The following SI variants were observed in gnomAD, a reference collection of about 807,000 sequenced individuals.
The protein encoded by SI is sucrase-isomaltase, also known as sucrase-isomaltase, intestinal.
SI carries 235 observed loss-of-function variants against 253.3 expected under a neutral mutation model. The ratio of observed to expected loss-of-function variants is 0.93; its 90% CI spans 0.83 to 1.03. SI has a LOEUF of 1.03. Among genes scored for constraint, SI ranks in the 50% least tolerant of loss-of-function variants. The pLI is 0.00. For missense variants in SI, 2,442 were observed against 2,211.1 expected, an observed-to-expected ratio of 1.10 and a Z score of -2.09; for synonymous variants, 819 against 712.0, an observed-to-expected ratio of 1.15 and a Z score of -2.39.
At chr3:165,088,639 C>A in the SI span, among the ~76,000 whole-genome samples, 1 of 151,246 alleles carries the variant, frequency 6.6e-6, no homozygotes, top group Admixed American at 6.6e-5. Flanking sequence ...AAGACTCTGT[C>A]TCAAAAAATA....
intron 34 of SI, 127 bp downstream of exon 34, chr3:165,012,853 G>C: frequency 1.3e-6 from 1 of 746,020 alleles, no homozygotes; most frequent in South Asian, 1.4e-5. Context: ...AATATGGTCT[G>C]ATATCGATAA....
chr3:165,066,938 T>C (rs545824269), intron 6 of SI, among the ~76,000 whole-genome samples: 35 of 151,994 alleles, frequency 2.3e-4, no homozygotes, highest in African/African-American at 8.2e-4. Flanking sequence ...GGATTCTACA[T>C]ATATATAAAT....
chr3:165,090,055 G>T, the SI span, among the ~76,000 whole-genome samples: 1 of 151,834 alleles, frequency 6.6e-6, no homozygotes, highest in Admixed American at 6.6e-5. Context: ...ATGTACATGT[G>T]GAAATTTTAA....
chr3:165,022,533 T>TCACACACA (rs1491563006), intron 26 of SI, among the ~76,000 whole-genome samples: 16 of 83,378 alleles, frequency 1.9e-4, no homozygotes, highest in African/African-American at 6.3e-4. Flanking sequence ...TTTTGTGCCA[T>TCACACACA]CTCACACACA....
Position 164,984,929 on chromosome 3 carries a change from C to T in SI, c.5198-1878G>A, listed in dbSNP as rs572391131. Among the ~76,000 whole-genome samples the T allele has an allele frequency of 2.2e-3, 342 of 152,190 alleles. 1 individual carries two copies. Among genetic ancestry groups the T allele is most frequent in the Middle Eastern group, 0.01 (3 of 294 alleles). On this transcript the variant is annotated intron_variant, in intron 45 of 47. Coordinates refer to ENST00000264382, the MANE Select transcript of SI (RefSeq NM_001041.4). The stretch of plus-strand genomic sequence containing the variant: ...ATAAGCATTTGCTATATATGGTTTT[C>T]GCTGTTAACTCAGGAAATTTCAAGG...
In SI at chr3:165,059,196, T is replaced by C; in HGVS notation, c.1250A>G (p.Asp417Gly). ...GATGATGACATATTTCTGTCCATGG[T>C]CATGCAAATCTTGCACAAATTGAGG... ...GLPQFVQDLH[D>G]HGQKYVIILD... Residue 417 changes from aspartate (D) to glycine (G), a missense_variant, in exon 11 of 48, where the codon GAC becomes GGC. Physicochemically the swap from Asp to Gly is moderately conservative, Grantham distance 94 (BLOSUM62 -1). Coordinates refer to ENST00000264382, the MANE Select transcript of SI (RefSeq NM_001041.4). 1 of 1,612,754 alleles carries C rather than the reference T, an allele frequency of 6.2e-7. No homozygotes were observed.
At chr3:165,001,894 A>C (rs1718271806) in intron 37 of SI, among the ~76,000 whole-genome samples, 1 of 151,616 alleles carries the variant, frequency 6.6e-6, no homozygotes. Flanking sequence ...AGAAAGTTAC[A>C]TTAAATATAA....
At chr3:165,007,645 T>A (rs1718576221) in intron 36 of SI, among the ~76,000 whole-genome samples, 1 of 151,788 alleles carries the variant, frequency 6.6e-6, no homozygotes, top group Non-Finnish European at 1.5e-5. Flanking sequence ...ATAAAATATA[T>A]TCCTTGATTT....
chr3:165,002,783 A>T (rs1385540894), intron 37 of SI, among the ~76,000 whole-genome samples: 2 of 151,784 alleles, frequency 1.3e-5, no homozygotes, highest in African/African-American at 4.8e-5. Context: ...TTAAAATATT[A>T]AGAAAGTATC....
At chr3:165,011,129 C>T (rs1281522542) in intron 34 of SI, among the ~76,000 whole-genome samples, 1 of 151,976 alleles carries the variant, frequency 6.6e-6, no homozygotes, top group Non-Finnish European at 1.5e-5. Context: ...ATTTTTACTC[C>T]TCTAATCTTT....
At chr3:164,994,936 G>C (rs1025304767) in intron 40 of SI, among the ~76,000 whole-genome samples, 7 of 151,648 alleles carry the variant, frequency 4.6e-5, no homozygotes, top group African/African-American at 1.7e-4. Flanking sequence ...GTATGCTCTG[G>C]AATGCACACT....
At chr3:165,073,146 A>T (rs1323545651) in intron 3 of SI, among the ~76,000 whole-genome samples, 2 of 151,454 alleles carry the variant, frequency 1.3e-5, no homozygotes. Flanking sequence ...TTCCTAATAG[A>T]ATTCTATGTT....
intron 34 of SI, among the ~76,000 whole-genome samples, chr3:165,009,760 C>T (rs997714235): frequency 7.9e-5 from 12 of 152,118 alleles, no homozygotes; most frequent in African/African-American, 2.9e-4. Context: ...CAGCAAAGGG[C>T]CATAGTATAA....
chr3:164,998,706 A>G, intron 37 of SI, 33 bp from the exon 38 acceptor site: 3 of 1,580,350 alleles, frequency 1.9e-6, no homozygotes, highest in Non-Finnish European at 1.7e-6. Context: ...TTGAGTTTTT[A>G]CATGAGATAT....
intron 21 of SI, among the ~76,000 whole-genome samples, chr3:165,036,819 C>T (rs184488046): frequency 6.6e-6 from 1 of 151,516 alleles, no homozygotes; most frequent in African/African-American, 2.4e-5. Flanking sequence ...CTCAACTCAA[C>T]CTGTGTAATC....
chr3:165,070,510 T>A (rs1714507653), intron 3 of SI, among the ~76,000 whole-genome samples: 1 of 151,130 alleles, frequency 6.6e-6, no homozygotes, highest in Non-Finnish European at 1.5e-5. Context: ...GGCAATTTTA[T>A]CTCCAGTTAT....
intron 21 of SI, among the ~76,000 whole-genome samples, chr3:165,037,176 A>AT (rs1712578527): frequency 1.3e-5 from 2 of 151,950 alleles, no homozygotes; most frequent in Non-Finnish European, 2.9e-5. Context: ...CTAATTACTA[A>AT]TGCGTATCGC....
In SI at chr3:164,994,302, T is replaced by C. The variant is rs1186897657; in HGVS notation, c.4796A>G (p.Glu1599Gly). ...LLPYFYTQMHEIHANGGTVIR... is the reference protein window; with the variant it reads ...LLPYFYTQMHGIHANGGTVIR... ...AACAGTGCCACCATTAGCATGAATT[T>C]CATGCATTTGTGTGTAAAAATAGGG... The change falls in exon 41 of 48, where the codon GAA becomes GGA. Residue 1599 changes from glutamate to glycine, a missense_variant. Physicochemically the swap from Glu to Gly is moderately conservative, Grantham distance 98. Coordinates refer to ENST00000264382, the MANE Select transcript of SI (RefSeq NM_001041.4). 1 of 1,611,354 alleles carries C rather than the reference T, an allele frequency of 6.2e-7. No individual in the cohort carries two copies. The highest frequency in any genetic ancestry group is 1.7e-5 in the Admixed American group (1 of 59,786).
chr3:165,082,002 T>C (rs1325637423), upstream of SI, among the ~76,000 whole-genome samples: 1 of 151,992 alleles, frequency 6.6e-6, no homozygotes, highest in African/African-American at 2.4e-5. Flanking sequence ...CACAGATGCA[T>C]AGATAAATAA....
Sources: allele counts gnomAD v4.1 joint callset (sites outside exome capture counted in the v4.1 genomes callset), GRCh38; gene constraint gnomAD v4.1.1; transcripts MANE v1.5; gene names NCBI Gene and HGNC (gene_info 2026-07-23, HGNC 2026-07-21).